Variants in NALCN observed in about 807,000 individuals in gnomAD.
NALCN encodes the protein sodium leak channel NALCN.
NALCN carries 111 observed loss-of-function variants against 225.3 expected under a neutral mutation model. The observed-to-expected ratio is 0.49, with a 90% CI of 0.42 to 0.58. The LOEUF (loss-of-function observed/expected upper bound fraction) is 0.58. Among genes scored for constraint, NALCN ranks in the 20% least tolerant of loss-of-function variants. NALCN has a pLI of 0.00. For missense variants in NALCN, 1,378 were observed against 2,202.4 expected, an observed-to-expected ratio of 0.63 and a Z score of 7.49; for synonymous variants, 764 against 769.0, an observed-to-expected ratio of 0.99 and a Z score of 0.11.
chr13:101,142,068 T>G (rs893487371), intron 17 of NALCN, among the ~76,000 whole-genome samples: 1 of 151,776 alleles, frequency 6.6e-6, no homozygotes, highest in African/African-American at 2.4e-5. Flanking sequence ...TACACACATA[T>G]ACATTTATAT....
At chr13:101,274,824 T>C (rs3916907) in intron 10 of NALCN, among the ~76,000 whole-genome samples, 70,453 of 151,794 alleles carry the variant, frequency 0.46, 17,440 homozygotes, top group East Asian at 0.66. Context: ...CTATAAGATT[T>C]AGAAGTTTGA....
chr13:101,393,707 T>G (rs2047207505), intron 3 of NALCN, among the ~76,000 whole-genome samples: 1 of 152,194 alleles, frequency 6.6e-6, no homozygotes, highest in Non-Finnish European at 1.5e-5. Flanking sequence ...CTTGGGAGGC[T>G]GAGGCAGGAG....
intron 17 of NALCN, among the ~76,000 whole-genome samples, chr13:101,130,086 A>G (rs2036441733): frequency 6.6e-6 from 1 of 152,118 alleles, no homozygotes. Context: ...TCCATGGTGT[A>G]TACGTGCCAC....
chr13:101,374,668 T>G (rs910838561), intron 6 of NALCN, among the ~76,000 whole-genome samples: 2 of 152,196 alleles, frequency 1.3e-5, no homozygotes, highest in Non-Finnish European at 2.9e-5. Context: ...GACTAATAGA[T>G]TATGCTTTAC....
intron 30 of NALCN, among the ~76,000 whole-genome samples, chr13:101,087,895 T>C (rs928364573): frequency 5.3e-5 from 8 of 152,324 alleles, no homozygotes; most frequent in Non-Finnish European, 1.2e-4. Context: ...TTCTTAACGG[T>C]GTTCTGGGCA....
intron 15 of NALCN, among the ~76,000 whole-genome samples, chr13:101,171,779 G>A (rs2038735813): frequency 6.6e-6 from 1 of 152,184 alleles, no homozygotes; most frequent in South Asian, 2.1e-4. Flanking sequence ...CAAAATTTCT[G>A]TGCAAAAAGT....
chr13:101,089,122 T>G lies in NALCN; in HGVS notation c.3489+541A>C, dbSNP rs1338974661. ...TATGTTGGCCAGGCTGGTCTTGAAC[T>G]CCTGACCTCAAGTGATCCACCCGCC... On this transcript the variant is annotated intron_variant, in intron 30 of 43. Transcript: ENST00000251127. This position sits in a 1 kb window ranked among gnomAD's most constrained non-coding sequence, Gnocchi z 4.7. Among the ~76,000 whole-genome samples, 1 of 152,130 alleles carries G rather than the reference T, an allele frequency of 6.6e-6. No individual in the cohort carries two copies. The highest frequency in any genetic ancestry group is 1.5e-5 in the Non-Finnish European group (1 of 68,014).
At chr13:101,173,873 AAGAC>A (rs1300089168) in intron 15 of NALCN, among the ~76,000 whole-genome samples, 2 of 152,198 alleles carry the variant, frequency 1.3e-5, no homozygotes, top group Non-Finnish European at 2.9e-5. Flanking sequence ...GAATCTGTAA[AAGAC>A]AGTCTAAAGT....
At chr13:101,371,646 C>T (rs2046542772) in intron 6 of NALCN, among the ~76,000 whole-genome samples, 1 of 152,186 alleles carries the variant, frequency 6.6e-6, no homozygotes, top group African/African-American at 2.4e-5. Flanking sequence ...ATGCCACGCA[C>T]TGATGCAGAG....
rs765808437 is a variant in NALCN at position 101,081,563 on chromosome 13, A to C, written c.3849T>G (p.Leu1283=). ...RNRYDLLVTS[L]GVVWVVLHFA... is the part of the protein sequence containing the mutation. ...AGTGAAGCACCACCCATACAACGCCAAGCGACGTCACCAGGAGATCGTATC... is the reference window on the plus strand; with the variant it reads ...AGTGAAGCACCACCCATACAACGCCCAGCGACGTCACCAGGAGATCGTATC... The change falls in exon 34 of 44, where the codon CTT becomes CTG. Residue 1283 remains leucine (L), a synonymous_variant. Transcript: ENST00000251127. 2 of 1,614,172 alleles carry C rather than the reference A, an allele frequency of 1.2e-6. No homozygotes were observed. Among genetic ancestry groups the C allele is most frequent in the Non-Finnish European group, 1.7e-6 (2 of 1,180,026 alleles).
intron 10 of NALCN, among the ~76,000 whole-genome samples, chr13:101,260,832 C>G (rs2042400746): frequency 6.6e-6 from 1 of 152,122 alleles, no homozygotes; most frequent in Non-Finnish European, 1.5e-5. Context: ...TGTCTCTTCA[C>G]TTTGTTAATT....
intron 3 of NALCN, 140 bp downstream of exon 3, chr13:101,395,043 T>C (rs1330558988): frequency 8.2e-6 from 6 of 729,028 alleles, no homozygotes; most frequent in African/African-American, 1.8e-5. Context: ...TCTGGAGTTA[T>C]GCCTTTTTAA....
chr13:101,200,043 G>T (rs1021713269), intron 13 of NALCN, among the ~76,000 whole-genome samples: 2 of 151,970 alleles, frequency 1.3e-5, no homozygotes, highest in Non-Finnish European at 2.9e-5. Context: ...CTACCTGCTT[G>T]ATCTCATCCA....
intron 12 of NALCN, among the ~76,000 whole-genome samples, chr13:101,229,851 A>G (rs778709531): frequency 7.2e-5 from 11 of 152,194 alleles, no homozygotes; most frequent in Admixed American, 6.5e-5. Context: ...AATAAAATTA[A>G]TATTTTTCTA....
intron 18 of NALCN, chr13:101,117,034 A>G (rs775902302): frequency 2.1e-6 from 1 of 486,442 alleles, no homozygotes; most frequent in South Asian, 1.5e-5. Flanking sequence ...CTGCATTTTT[A>G]TCCTAGTGGA....
intron 14 of NALCN, among the ~76,000 whole-genome samples, chr13:101,188,656 G>A (rs555498366): frequency 4.0e-4 from 56 of 140,018 alleles, no homozygotes; most frequent in East Asian, 5.9e-4. Flanking sequence ...ACACACACAC[G>A]TGTGTGTGTG....
Position 101,191,334 on chromosome 13 carries a change from T to C in NALCN, c.1764+583A>G, listed in dbSNP as rs188226117. Among the ~76,000 whole-genome samples, 131 of 152,348 alleles carry C rather than the reference T, an allele frequency of 8.6e-4. 3 individuals carry two copies. The highest frequency in any genetic ancestry group is 3.1e-3 in the African/African-American group (128 of 41,588). ...AAGTATATTGAAGAGAAAAATCTGC[T>C]TGTGTGACAGAAGTCGGTTCTTACT... On this transcript the variant is annotated intron_variant, in intron 14 of 43. Transcript: ENST00000251127.
rs771990457 is a variant in NALCN at position 101,111,198 on chromosome 13, C to T, written c.2221G>A (p.Gly741Arg). The T allele has an allele frequency of 1.1e-5, 17 of 1,605,016 alleles. No individual in the cohort carries two copies. The highest frequency in any genetic ancestry group is 2.2e-5 in the East Asian group (1 of 44,576). ...RACTRQRMLS[G>R]SFEGQPAKER... ...TTTGCGGGCTGCCCCTCAAATGATC[C>T]GCTCAGCATGCGCTGTCGGGTGCAA... Residue 741 changes from glycine to arginine, a missense_variant, in exon 19 of 44, where the codon GGA becomes AGA. Coordinates refer to ENST00000251127, the MANE Select transcript of NALCN (RefSeq NM_052867.4).
At chr13:101,108,323 G>A (rs193038002) in intron 20 of NALCN, among the ~76,000 whole-genome samples, 198 of 152,146 alleles carry the variant, frequency 1.3e-3, no homozygotes, top group Non-Finnish European at 2.0e-3. Context: ...TATGTGCCAG[G>A]CACTATTCTA....
Sources: allele counts gnomAD v4.1 joint callset (sites outside exome capture counted in the v4.1 genomes callset), GRCh38; gene constraint gnomAD v4.1.1; non-coding constraint Gnocchi (gnomAD v3.1); transcripts MANE v1.5; gene names NCBI Gene and HGNC (gene_info 2026-07-23, HGNC 2026-07-21).